The following FAM13A variants were observed in gnomAD, a reference collection of about 807,000 sequenced individuals.
FAM13A encodes family with sequence similarity 13 member A.
FAM13A carries 76 observed loss-of-function variants against 129.6 expected under a neutral mutation model. The observed-to-expected ratio is 0.59, with a 90% CI of 0.49 to 0.71. The LOEUF is 0.71. Among genes scored for constraint, FAM13A ranks in the 30% least tolerant of loss-of-function variants. FAM13A has a pLI of 0.00. For missense variants in FAM13A, 1,108 were observed against 1,249.3 expected, an observed-to-expected ratio of 0.89 and a Z score of 1.70; for synonymous variants, 443 against 449.9, an observed-to-expected ratio of 0.98 and a Z score of 0.20.
chr4:89,052,487 T>C (rs2149186457), intron 1 of FAM13A, among the ~76,000 whole-genome samples: 1 of 121,616 alleles, frequency 8.2e-6, no homozygotes, highest in South Asian at 3.0e-4. Context: ...TAGCACTTTC[T>C]GAAGTCCCAC....
At chr4:88,767,402 A>G in intron 13 of FAM13A, 151 bp downstream of exon 13, 1 of 455,022 alleles carries the variant, frequency 2.2e-6, no homozygotes, top group East Asian at 3.4e-5. Context: ...TTTCTCAAGG[A>G]ATCTTTAAGT....
chr4:88,758,866 T>G lies in FAM13A; in HGVS notation c.1614A>C (p.Leu538=). ...PTMKIQEHPS[L]SDTKQQRNQD... is the part of the protein sequence containing the mutation. ...GATTTCTCTGCTGTTTGGTGTCAGATAGGCTGGGATGCTCCTGGATCTTCA... is the reference window on the plus strand; with the variant it reads ...GATTTCTCTGCTGTTTGGTGTCAGAGAGGCTGGGATGCTCCTGGATCTTCA... The change falls in exon 14 of 24, where the codon CTA becomes CTC. Residue 538 remains leucine, a synonymous_variant. Coordinates refer to ENST00000264344, the MANE Select transcript of FAM13A (RefSeq NM_014883.4). The G allele has an allele frequency of 6.2e-7, 1 of 1,614,000 alleles. No homozygotes were observed. The highest frequency in any genetic ancestry group is 8.5e-7 in the Non-Finnish European group (1 of 1,179,912).
At chr4:88,803,652 G>A (rs1727989219) in intron 8 of FAM13A, among the ~76,000 whole-genome samples, 1 of 152,150 alleles carries the variant, frequency 6.6e-6, no homozygotes, top group Admixed American at 6.5e-5. Flanking sequence ...GATACCCTAT[G>A]AACCAGAGTA....
At chr4:89,034,297 T>C (rs1769077841) in intron 1 of FAM13A, among the ~76,000 whole-genome samples, 1 of 152,022 alleles carries the variant, frequency 6.6e-6, no homozygotes, top group South Asian at 2.1e-4. Context: ...TCCTAAGACA[T>C]ATAAGCAGCC....
rs376699348 is a variant in FAM13A at position 89,056,924 on chromosome 4, A to T, written c.27+14T>A. 12 of 1,611,458 alleles carry T rather than the reference A, an allele frequency of 7.4e-6. No homozygotes were observed. The highest frequency in any genetic ancestry group is 8.5e-6 in the Non-Finnish European group (10 of 1,178,866). On this transcript the variant is annotated intron_variant, in intron 1 of 23. Coordinates refer to ENST00000264344, the MANE Select transcript of FAM13A (RefSeq NM_014883.4). ...GGCAGTAAACACAGAAGACAGAAGAAGGCCTATACTTACACAGATGGCTAG... is the reference window on the plus strand; with the variant it reads ...GGCAGTAAACACAGAAGACAGAAGATGGCCTATACTTACACAGATGGCTAG...
In FAM13A at chr4:88,732,228, T is replaced by C. The variant is rs777415928; in HGVS notation, c.2647-30A>G. 5 of 1,543,144 alleles carry C rather than the reference T, an allele frequency of 3.2e-6. No homozygotes were observed. In the South Asian group the frequency reaches 6.1e-5, roughly 19 times the overall value. ...AGATACACAGCAACCCCAATAAAAA[T>C]CTGGTCACTTTTTGGGGCAGACTTT... is the stretch of plus-strand genomic sequence containing the variant. On this transcript the variant is annotated intron_variant, in intron 21 of 23. Transcript: ENST00000264344.
chr4:89,007,424 A>C (rs1765197094), intron 3 of FAM13A, among the ~76,000 whole-genome samples: 1 of 152,176 alleles, frequency 6.6e-6, no homozygotes, highest in African/African-American at 2.4e-5. Flanking sequence ...CCGAGCATTA[A>C]ATTGTCATCC....
At position 88,732,232 on chromosome 4, in the gene FAM13A, G is replaced by C. The variant is rs570601362; in HGVS notation, c.2647-34C>G. On this transcript the variant is annotated intron_variant, in intron 21 of 23. Transcript: ENST00000264344. Reference sequence around the variant, plus strand: ...ACACAGCAACCCCAATAAAAATCTGGTCACTTTTTGGGGCAGACTTTCATT... The same window carrying C: ...ACACAGCAACCCCAATAAAAATCTGCTCACTTTTTGGGGCAGACTTTCATT... 178 of 1,522,238 alleles carry C rather than the reference G, an allele frequency of 1.2e-4. 2 individuals are homozygous for C. In the South Asian group the frequency reaches 2.1e-3, roughly 18 times the overall value. 94.3% of individuals were successfully genotyped at this position (1,522,238 alleles called of 1,614,324 possible).
At chr4:88,836,577 T>C (rs1163916074) in intron 7 of FAM13A, among the ~76,000 whole-genome samples, 1 of 152,260 alleles carries the variant, frequency 6.6e-6, no homozygotes, top group Non-Finnish European at 1.5e-5. Context: ...AGCTGTCTTC[T>C]ATTAATATTA....
At chr4:88,787,025 G>A (rs1029088193) in intron 10 of FAM13A, among the ~76,000 whole-genome samples, 3 of 151,818 alleles carry the variant, frequency 2.0e-5, no homozygotes, top group African/African-American at 7.3e-5. Context: ...GGAACTTTCA[G>A]GGAAAATATA....
At chr4:89,033,279 T>A (rs1768943167) in intron 1 of FAM13A, among the ~76,000 whole-genome samples, 1 of 152,200 alleles carries the variant, frequency 6.6e-6, no homozygotes, top group Non-Finnish European at 1.5e-5. Flanking sequence ...GTCTTTAGTG[T>A]CTATGCCAGT....
chr4:88,909,177 A>G (rs1296438689), intron 5 of FAM13A, among the ~76,000 whole-genome samples: 5 of 152,216 alleles, frequency 3.3e-5, no homozygotes, highest in African/African-American at 1.2e-4. Flanking sequence ...TAATAGCCTA[A>G]AAGTGGTGAC....
At chr4:88,843,480 G>C (rs771871233) in intron 7 of FAM13A, among the ~76,000 whole-genome samples, 1 of 152,166 alleles carries the variant, frequency 6.6e-6, no homozygotes, top group Non-Finnish European at 1.5e-5. Flanking sequence ...CACTGTAAGG[G>C]AACAAACACA....
chr4:89,023,882 T>G (rs1303115191), intron 2 of FAM13A, among the ~76,000 whole-genome samples: 1 of 152,160 alleles, frequency 6.6e-6, no homozygotes, highest in Non-Finnish European at 1.5e-5. Flanking sequence ...ACCTTTAAAT[T>G]TTCCTACTCT....
chr4:88,927,743 C>A (rs949578738), intron 5 of FAM13A, among the ~76,000 whole-genome samples: 2 of 151,722 alleles, frequency 1.3e-5, no homozygotes, highest in Admixed American at 6.6e-5. Flanking sequence ...TTATCTGGAT[C>A]TTCTCCCTTC....
intron 11 of FAM13A, among the ~76,000 whole-genome samples, chr4:88,775,492 C>T (rs1233618704): frequency 1.3e-5 from 2 of 152,044 alleles, no homozygotes; most frequent in African/African-American, 4.8e-5. Context: ...TCATTTGAGG[C>T]CAGAAGTGTG....
chr4:88,800,038 T>C (rs968789928), intron 8 of FAM13A, among the ~76,000 whole-genome samples: 6 of 152,120 alleles, frequency 3.9e-5, no homozygotes, highest in Non-Finnish European at 7.4e-5. Context: ...CTAAGTAAAA[T>C]ATGCCAGTCA....
intron 11 of FAM13A, among the ~76,000 whole-genome samples, chr4:88,778,054 C>A (rs1472154926): frequency 6.6e-6 from 1 of 152,146 alleles, no homozygotes; most frequent in Non-Finnish European, 1.5e-5. Flanking sequence ...TGTGTGAAGG[C>A]CTTTTCTATC....
intron 4 of FAM13A, among the ~76,000 whole-genome samples, chr4:88,982,335 G>T (rs902670248): frequency 6.6e-6 from 1 of 152,234 alleles, no homozygotes; most frequent in African/African-American, 2.4e-5. Flanking sequence ...TAACTAGTAC[G>T]ATGGGCAGAG....
Sources: allele counts gnomAD v4.1 joint callset (sites outside exome capture counted in the v4.1 genomes callset), GRCh38; gene constraint gnomAD v4.1.1; transcripts MANE v1.5; gene names NCBI Gene and HGNC (gene_info 2026-07-23, HGNC 2026-07-21).